ABI1: variants seen among roughly 807,000 people sequenced by gnomAD.
ABI1 encodes abl interactor 1, also known as Abelson interactor 1.
ABI1 carries 14 observed loss-of-function variants against 54.6 expected under a neutral mutation model. The observed-to-expected ratio is 0.26, with a 90% CI of 0.17 to 0.40. The LOEUF (loss-of-function observed/expected upper bound fraction) is 0.40, where lower values mean the gene tolerates loss of function less well. ABI1 is among the 10% of genes least tolerant of loss of function. ABI1 has a pLI of 1.00. For synonymous variants in ABI1, 194 were observed against 209.3 expected (o/e 0.93, Z 0.63); for missense variants, 443 against 598.3 (o/e 0.74, Z 2.71).
At chr10:26,796,309 C>T (rs1844160587) in intron 2 of ABI1, among the ~76,000 whole-genome samples, 1 of 152,120 alleles carries the variant, frequency 6.6e-6, no homozygotes, top group African/African-American at 2.4e-5. Context: ...AACAATGGAC[C>T]ACATATATAT....
In ABI1 at chr10:26,746,866, G is replaced by GAGTT. The variant is rs1236533984; in HGVS notation, c.*1700_*1703dup. The GAGTT allele has an allele frequency of 1.2e-5, 4 of 332,514 alleles. No homozygotes were observed. Among genetic ancestry groups the GAGTT allele is most frequent in the South Asian group, 3.9e-5 (1 of 25,824 alleles). 20.6% of individuals were successfully genotyped at this position (332,514 alleles called of 1,614,324 possible). A position where few individuals can be genotyped will look rare whatever the true frequency, so the allele number is the denominator to read the frequency against. On this transcript the variant is annotated 3_prime_UTR_variant, in exon 11 of 11. Coordinates refer to ENST00000376140, the MANE Select transcript of ABI1 (RefSeq NM_001012750.3). ...GTGAAGTCTGCATTGAAGTCCACAT[G>GAGTT]AGTTATATTTTAACAGTATCCAAAA...
intron 1 of ABI1, among the ~76,000 whole-genome samples, chr10:26,850,657 C>CAAA (rs560840432): frequency 2.0e-5 from 2 of 101,510 alleles, no homozygotes; most frequent in East Asian, 2.4e-4. Flanking sequence ...GACTCCGTCT[C>CAAA]AAAAAAAAAA....
intron 2 of ABI1, among the ~76,000 whole-genome samples, chr10:26,819,806 C>T (rs2047847526): frequency 6.6e-6 from 1 of 152,160 alleles, no homozygotes; most frequent in African/African-American, 2.4e-5. Flanking sequence ...TATACATATA[C>T]ATTTATTTAA....
At position 26,760,888 on chromosome 10, in the gene ABI1, C is replaced by CAAA. The variant is rs57750390; in HGVS notation, c.821-1653_821-1651dup. On this transcript the variant is annotated intron_variant, in intron 7 of 10. Coordinates refer to ENST00000376140, the MANE Select transcript of ABI1 (RefSeq NM_001012750.3). ...TGAGTGACGGAGAAAGACTCCATCT[C>CAAA]AAAAAAAAAAAAAAAAAAAAAAAAA... Among the ~76,000 whole-genome samples the CAAA allele has an allele frequency of 2.0e-3, 97 of 49,444 alleles. 6 individuals carry two copies. The highest frequency in any genetic ancestry group is 2.9e-3 in the Non-Finnish European group (76 of 26,582). 32.4% of individuals were successfully genotyped at this position (49,444 alleles called of 152,430 possible).
intron 4 of ABI1, 95 bp from the exon 5 acceptor site, chr10:26,770,440 A>C: frequency 8.3e-7 from 1 of 1,200,062 alleles, no homozygotes; most frequent in Non-Finnish European, 1.2e-6. Context: ...TCAGAATGTG[A>C]ATTAAGGATT....
At chr10:26,807,684 C>T (rs866584830) in intron 2 of ABI1, among the ~76,000 whole-genome samples, 1 of 152,162 alleles carries the variant, frequency 6.6e-6, no homozygotes, top group South Asian at 2.1e-4. Flanking sequence ...TCTCTCTTTC[C>T]ACTCACTTTC....
rs1206434680 is a variant in ABI1 at position 26,828,194 on chromosome 10, G to A, written c.118-4889C>T. Among the ~76,000 whole-genome samples, 3 of 152,216 alleles carry A rather than the reference G, an allele frequency of 2.0e-5. No homozygotes were observed. The East Asian group carries it at 5.8e-4, about 29-fold the overall frequency. On this transcript the variant is annotated intron_variant, in intron 1 of 10. Transcript: ENST00000376140. ...GGAGGCCCAAAGAGAGGGAGAGACAGAAGGAATGGTCAGTTGGTGGTACAG... is the reference window on the plus strand; with the variant it reads ...GGAGGCCCAAAGAGAGGGAGAGACAAAAGGAATGGTCAGTTGGTGGTACAG...
chr10:26,775,106 T>C (rs1841216811), intron 3 of ABI1, among the ~76,000 whole-genome samples: 1 of 152,198 alleles, frequency 6.6e-6, no homozygotes, highest in South Asian at 2.1e-4. Flanking sequence ...AATTTTGGCC[T>C]GGCATGTGTT....
chr10:26,764,386 T>C (rs1417525581), intron 7 of ABI1, among the ~76,000 whole-genome samples: 2 of 152,222 alleles, frequency 1.3e-5, no homozygotes, highest in African/African-American at 4.8e-5. Context: ...TTTACATTTA[T>C]TGCATTTTAC....
In ABI1 at chr10:26,832,357, C is replaced by T. The variant is rs181981678; in HGVS notation, c.118-9052G>A. On this transcript the variant is annotated intron_variant, in intron 1 of 10. Coordinates refer to ENST00000376140, the MANE Select transcript of ABI1 (RefSeq NM_001012750.3). ...CAGCACTTTGGGAGGCCAAGGCGGG[C>T]GGATCACGAGGTCAGGAGATCAAGA... 1.5e-3 allele frequency among the ~76,000 whole-genome samples: 223 copies of T among 152,062 alleles called. 1 individual carries two copies. The highest frequency in any genetic ancestry group is 5.4e-3 in the South Asian group (26 of 4,796).
At chr10:26,848,879 G>A (rs2050188626) in intron 1 of ABI1, among the ~76,000 whole-genome samples, 1 of 152,180 alleles carries the variant, frequency 6.6e-6, no homozygotes, top group Non-Finnish European at 1.5e-5. Context: ...AAAGTGCTGG[G>A]ATTACAGGCA....
Position 26,796,691 on chromosome 10 carries a change from T to C in ABI1, c.286-19450A>G, listed in dbSNP as rs376556429. Among the ~76,000 whole-genome samples the C allele has an allele frequency of 3.9e-5, 6 of 152,374 alleles. No individual in the cohort carries two copies. The South Asian group carries it at 1.0e-3, about 26-fold the overall frequency. The stretch of plus-strand genomic sequence containing the variant: ...ACTTAACAAAAGTAACTATGTGAAA[T>C]GACAGATGTGTTTATCTGCTTCACT... On this transcript the variant is annotated intron_variant, in intron 2 of 10. Transcript: ENST00000376140.
intron 1 of ABI1, among the ~76,000 whole-genome samples, chr10:26,831,197 A>C (rs1435778094): frequency 1.3e-5 from 2 of 151,902 alleles, no homozygotes; most frequent in East Asian, 1.9e-4. Context: ...CTTTTAACTT[A>C]TCTCTAATCC....
intron 2 of ABI1, among the ~76,000 whole-genome samples, chr10:26,819,078 C>A (rs1278536234): frequency 6.6e-6 from 1 of 152,194 alleles, no homozygotes; most frequent in Non-Finnish European, 1.5e-5. Context: ...CTTAAACATA[C>A]TCCTGAAGTA....
At chr10:26,844,523 C>T (rs566024129) in intron 1 of ABI1, among the ~76,000 whole-genome samples, 1 of 152,350 alleles carries the variant, frequency 6.6e-6, no homozygotes, top group East Asian at 1.9e-4. Context: ...TTCCTCTCCT[C>T]TTCCCTCTTC....
At chr10:26,751,230 T>C (rs1314420615) in intron 10 of ABI1, among the ~76,000 whole-genome samples, 1 of 152,176 alleles carries the variant, frequency 6.6e-6, no homozygotes, top group Non-Finnish European at 1.5e-5. Flanking sequence ...ACCGTCCATA[T>C]TTAGATATGA....
chr10:26,750,599 A>G (rs1837500899), intron 10 of ABI1, among the ~76,000 whole-genome samples: 1 of 152,234 alleles, frequency 6.6e-6, no homozygotes, highest in Admixed American at 6.5e-5. Flanking sequence ...CTACTAGCTT[A>G]AAGTCCGTTA....
intron 2 of ABI1, among the ~76,000 whole-genome samples, chr10:26,812,495 G>C (rs559703051): frequency 5.2e-4 from 79 of 152,302 alleles, no homozygotes; most frequent in African/African-American, 1.9e-3. Context: ...AATATTGAAG[G>C]TTCTGGTGAA....
rs2051179154 is a variant in ABI1, at chr10:26,860,158, A to T, written c.117+589T>A. ...GTCGGTGTAATGTGACTCATGACAA[A>T]TTTTTTTTAAATAAATAAATAAATA... is the stretch of plus-strand genomic sequence containing the variant. On this transcript the variant is annotated intron_variant, in intron 1 of 10. Coordinates refer to ENST00000376140, the MANE Select transcript of ABI1 (RefSeq NM_001012750.3). This position sits in a 1 kb window ranked among gnomAD's most constrained non-coding sequence, Gnocchi z 4.1. 6.6e-6 allele frequency among the ~76,000 whole-genome samples: 1 copy of T among 151,792 alleles called. No individual in the cohort carries two copies. The highest frequency in any genetic ancestry group is 1.5e-5 in the Non-Finnish European group (1 of 67,936).
Sources: allele counts gnomAD v4.1 joint callset (sites outside exome capture counted in the v4.1 genomes callset), GRCh38; gene constraint gnomAD v4.1.1; non-coding constraint Gnocchi (gnomAD v3.1); transcripts MANE v1.5; gene names NCBI Gene and HGNC (gene_info 2026-07-23, HGNC 2026-07-21).